Variants in ITGB4 observed in about 807,000 individuals in gnomAD.
The protein encoded by ITGB4 is integrin subunit beta 4.
In ITGB4, 159 loss-of-function variants were observed where a neutral mutation model predicts 207.6. The observed-to-expected ratio is 0.77, with a 90% CI of 0.67 to 0.87. The LOEUF is 0.87. Ranked by LOEUF, ITGB4 falls within the 40% of genes least tolerant of loss-of-function variation. ITGB4 has a pLI of 0.00. For synonymous variants in ITGB4, 1,020 were observed against 1,062.7 expected (o/e 0.96, Z 0.78); for missense variants, 2,278 against 2,546.8 (o/e 0.89, Z 2.27).
rs763724502 is a variant in ITGB4, at chr17:75,729,471, A to G, written c.738+35A>G. 6.2e-7 allele frequency: 1 copy of G among 1,606,848 alleles called. No homozygotes were observed. The highest frequency in any genetic ancestry group is 1.1e-5 in the South Asian group (1 of 90,490). On this transcript the variant is annotated intron_variant, in intron 7 of 39. Coordinates refer to ENST00000200181, the MANE Select transcript of ITGB4 (RefSeq NM_000213.5). The surrounding 1 kb of genome is among the most constrained non-coding windows in gnomAD (Gnocchi z 4.4). ...GGGAAGGGTGCTGCCAGCCTAGGCC[A>G]GGGGTGAGCACTTCTGGGCAAGGGC...
In ITGB4 at chr17:75,740,196, G is replaced by A. The variant is rs1032257957; in HGVS notation, c.2446+125G>A. ...CAGGCACAGGGCTCAGCCACCTTTTGCCCTGTGCTGATGGTGCTATGAACC... is the reference window on the plus strand; with the variant it reads ...CAGGCACAGGGCTCAGCCACCTTTTACCCTGTGCTGATGGTGCTATGAACC... On this transcript the variant is annotated intron_variant, in intron 20 of 39. Coordinates refer to ENST00000200181, the MANE Select transcript of ITGB4 (RefSeq NM_000213.5). This position sits in a 1 kb window ranked among gnomAD's most constrained non-coding sequence, Gnocchi z 5.9. The A allele has an allele frequency of 5.9e-5, 73 of 1,246,184 alleles. No homozygotes were observed. Among genetic ancestry groups the A allele is most frequent in the South Asian group, 2.4e-4 (18 of 74,530 alleles). 77.2% of individuals were successfully genotyped at this position (1,246,184 alleles called of 1,614,324 possible). A position where few individuals can be genotyped will look rare whatever the true frequency, so the allele number is the denominator to read the frequency against.
In ITGB4 at chr17:75,723,578, T is replaced by C. The variant is rs73995990; in HGVS notation, c.-10-1116T>C. On this transcript the variant is annotated intron_variant, in intron 1 of 39. Transcript: ENST00000200181. Reference sequence around the variant, plus strand: ...TGTGCCACAACAGGTCTGACCTGCATGTGTTGGCGCTGCTGTGGCCTCCTC... The same window carrying C: ...TGTGCCACAACAGGTCTGACCTGCACGTGTTGGCGCTGCTGTGGCCTCCTC... Among the ~76,000 whole-genome samples, 647 of 152,310 alleles carry C rather than the reference T, an allele frequency of 4.2e-3. 3 individuals carry two copies. Among genetic ancestry groups the C allele is most frequent in the African/African-American group, 0.014 (598 of 41,574 alleles).
At position 75,755,811 on chromosome 17, in the gene ITGB4, C is replaced by T; in HGVS notation, c.4669C>T (p.Leu1557=). The T allele has an allele frequency of 5.6e-6, 9 of 1,609,188 alleles. No homozygotes were observed. The highest frequency in any genetic ancestry group is 6.8e-6 in the Non-Finnish European group (8 of 1,179,832). ...SWQEPRCERP[L]QGYSVEYQLL... Reference sequence around the variant, plus strand: ...GCAGGAGCCGCGGTGCGAGCGGCCGCTGCAGGGCTACAGTGTGGAGTACCA... The same window carrying T: ...GCAGGAGCCGCGGTGCGAGCGGCCGTTGCAGGGCTACAGTGTGGAGTACCA... The change falls in exon 35 of 40, where the codon CTG becomes TTG. Residue 1557 remains leucine, a synonymous_variant. Transcript: ENST00000200181.
rs1465119767 is a variant in ITGB4, at chr17:75,756,760, C to G, written c.4954C>G (p.Leu1652Val). The G allele has an allele frequency of 6.2e-7, 1 of 1,613,070 alleles. No homozygotes were observed. The highest frequency in any genetic ancestry group is 1.3e-5 in the African/African-American group (1 of 75,056). ...CCCAGGCCCGCTGGTGTTCACTGCCCTGAGCCCAGACTCGCTGCAGCTGAG... is the reference window on the plus strand; with the variant it reads ...CCCAGGCCCGCTGGTGTTCACTGCCGTGAGCCCAGACTCGCTGCAGCTGAG... ...SAPGPLVFTALSPDSLQLSWE... is the reference protein window; with the variant it reads ...SAPGPLVFTAVSPDSLQLSWE... The change falls in exon 37 of 40, where the codon CTG becomes GTG. Residue 1652 changes from leucine to valine, a missense_variant. Transcript: ENST00000200181.
In ITGB4 at chr17:75,737,570, C is replaced by T. The variant is rs766264407; in HGVS notation, c.2146C>T (p.Pro716Ser). Reference protein sequence around the residue: ...CPPGSFWWLIPLLLLLLPLLA... With the variant: ...CPPGSFWWLISLLLLLLPLLA... ...TCCGGGCTCCTTCTGGTGGCTCATC[C>T]CCCTGCTCCTCCTCCTCCTGCCGCT... is the stretch of plus-strand genomic sequence containing the variant. The change falls in exon 18 of 40, where the codon CCC becomes TCC. Residue 716 changes from proline to serine, a missense_variant. By Grantham distance (74) the Pro-to-Ser change is moderately conservative. Transcript: ENST00000200181. 1.1e-5 allele frequency: 17 copies of T among 1,599,470 alleles called. No homozygotes were observed. In the South Asian group the frequency reaches 1.9e-4, roughly 18 times the overall value.
rs56024325 is a variant in ITGB4, at chr17:75,736,751, C to T, written c.1990+57C>T. The T allele has an allele frequency of 6.0e-5, 94 of 1,554,076 alleles. No homozygotes were observed. The East Asian group carries it at 9.0e-4, about 15-fold the overall frequency. On this transcript the variant is annotated intron_variant, in intron 16 of 39. Coordinates refer to ENST00000200181, the MANE Select transcript of ITGB4 (RefSeq NM_000213.5). ...GAGAGCCTAGGCAGCGGGCATCCAA[C>T]GGGGCAAGGGTGTCATCACCTGGAC...
rs764654608 is a variant in ITGB4, at chr17:75,736,546, C to A, written c.1861-19C>A. 3.1e-6 allele frequency: 5 copies of A among 1,587,868 alleles called. 1 individual carries two copies. The Middle Eastern group carries it at 5.1e-4, about 162-fold the overall frequency. Reference sequence around the variant, plus strand: ...CCCACCCAACACAGTGCCTGTCTGCCCCGCCTTTCCCCGCCAAGATCCACC... The same window carrying A: ...CCCACCCAACACAGTGCCTGTCTGCACCGCCTTTCCCCGCCAAGATCCACC... On this transcript the variant is annotated intron_variant, in intron 15 of 39. Transcript: ENST00000200181.
Position 75,732,839 on chromosome 17 carries a change from C to A in ITGB4, c.1454+600C>A, listed in dbSNP as rs181551920. 7.0e-3 allele frequency among the ~76,000 whole-genome samples: 1,065 copies of A among 152,264 alleles called. 8 individuals carry two copies. Among genetic ancestry groups the A allele is most frequent in the Non-Finnish European group, 0.011 (764 of 68,006 alleles). ...AGGTGGCTCACACCTGTAATCCCAGCACTTTGGGAGGCCGAGGTGGGTGGA... is the reference window on the plus strand; with the variant it reads ...AGGTGGCTCACACCTGTAATCCCAGAACTTTGGGAGGCCGAGGTGGGTGGA... On this transcript the variant is annotated intron_variant, in intron 12 of 39. Transcript: ENST00000200181. The surrounding 1 kb of genome is among the most constrained non-coding windows in gnomAD (Gnocchi z 5.3).
At chr17:75,724,596 C>A in intron 1 of ITGB4, 98 bp from the exon 2 acceptor site, 1 of 966,174 alleles carries the variant, frequency 1.0e-6, no homozygotes, top group Non-Finnish European at 1.7e-6. Context: ...ATTGTTGGTG[C>A]TCAGAGCCTC....
Position 75,729,335 on chromosome 17 carries a change from G to A in ITGB4, c.637G>A (p.Val213Met), listed in dbSNP as rs763275019. ...GAACGTCATCAGCCTGACAGAAGAT[G>A]TGGATGAGTTCCGGAATAAACTGCA... Reference protein sequence around the residue: ...FKNVISLTEDVDEFRNKLQGE... With the variant: ...FKNVISLTEDMDEFRNKLQGE... The change falls in exon 7 of 40, where the codon GTG (valine) becomes ATG (methionine). Residue 213 changes from valine (V) to methionine (M), a missense_variant. Transcript: ENST00000200181. This position sits in a 1 kb window ranked among gnomAD's most constrained non-coding sequence, Gnocchi z 4.4. 3.1e-6 allele frequency: 5 copies of A among 1,614,196 alleles called. No individual in the cohort carries two copies. Among genetic ancestry groups the A allele is most frequent in the Middle Eastern group, 1.6e-4 (1 of 6,062 alleles).
At position 75,729,167 on chromosome 17, in the gene ITGB4, A is replaced by C; in HGVS notation, c.567-98A>C. ...AAGCGAGACTTGGTCTCAAAAAAAA[A>C]AAAAAAAATTCTCCTTCTAGTTGAA... On this transcript the variant is annotated intron_variant, in intron 6 of 39. Transcript: ENST00000200181. This position sits in a 1 kb window ranked among gnomAD's most constrained non-coding sequence, Gnocchi z 4.4. The C allele has an allele frequency of 8.2e-7, 1 of 1,224,970 alleles. No individual in the cohort carries two copies. Among genetic ancestry groups the C allele is most frequent in the Non-Finnish European group, 1.1e-6 (1 of 881,970 alleles). The allele number at this position is 1,224,970 out of a possible 1,614,324, so 75.9% of individuals were successfully genotyped here.
rs377173122 is a variant in ITGB4, at chr17:75,722,111, A to T, written c.-11+499A>T. Reference sequence around the variant, plus strand: ...CAGGGCTTGCTCTATGCGGTGCCACAGTCCATCTGGGGCTGGGGAGTCCCT... The same window carrying T: ...CAGGGCTTGCTCTATGCGGTGCCACTGTCCATCTGGGGCTGGGGAGTCCCT... On this transcript the variant is annotated intron_variant, in intron 1 of 39. Transcript: ENST00000200181. This position sits in a 1 kb window ranked among gnomAD's most constrained non-coding sequence, Gnocchi z 6.2. Among the ~76,000 whole-genome samples the T allele has an allele frequency of 6.6e-6, 1 of 152,148 alleles. No homozygotes were observed. Among genetic ancestry groups the T allele is most frequent in the East Asian group, 1.9e-4 (1 of 5,202 alleles).
At position 75,736,765 on chromosome 17, in the gene ITGB4, C is replaced by G. The variant is rs548460112; in HGVS notation, c.1990+71C>G. 4.2e-4 allele frequency: 630 copies of G among 1,515,872 alleles called. 3 individuals are homozygous for G. Among genetic ancestry groups the G allele is most frequent in the Admixed American group, 1.2e-3 (60 of 51,072 alleles). 93.9% of individuals were successfully genotyped at this position (1,515,872 alleles called of 1,614,324 possible). ...CGGGCATCCAACGGGGCAAGGGTGT[C>G]ATCACCTGGACGGGGGCTTGCAGTC... On this transcript the variant is annotated intron_variant, in intron 16 of 39. Coordinates refer to ENST00000200181, the MANE Select transcript of ITGB4 (RefSeq NM_000213.5).
intron 34 of ITGB4, 171 bp downstream of exon 34, chr17:75,754,986 G>A (rs993575594): frequency 1.3e-6 from 2 of 1,549,684 alleles, no homozygotes; most frequent in Non-Finnish European, 1.8e-6. Flanking sequence ...ACACAGACAT[G>A]CATGCGCACA....
In ITGB4 at chr17:75,757,607, T is replaced by G; in HGVS notation, c.*52T>G. 6.2e-7 allele frequency: 1 copy of G among 1,609,042 alleles called. No homozygotes were observed. The highest frequency in any genetic ancestry group is 8.5e-7 in the Non-Finnish European group (1 of 1,177,238). The stretch of plus-strand genomic sequence containing the variant: ...TCCCACTAGGCGTCCTCCCGACTCC[T>G]CTCCCGGAGCCTCCTCAGCTACTCC... On this transcript the variant is annotated 3_prime_UTR_variant, in exon 40 of 40. Coordinates refer to ENST00000200181, the MANE Select transcript of ITGB4 (RefSeq NM_000213.5).
intron 2 of ITGB4, among the ~76,000 whole-genome samples, chr17:75,725,321 A>G (rs2060696603): frequency 6.6e-6 from 1 of 152,088 alleles, no homozygotes; most frequent in South Asian, 2.1e-4. Context: ...ATTTAATTCA[A>G]TGTATATGTA....
chr17:75,733,624 G>T lies in ITGB4; in HGVS notation c.1589G>T (p.Arg530Leu). 1.2e-6 allele frequency: 2 copies of T among 1,614,188 alleles called. No individual in the cohort carries two copies. The highest frequency in any genetic ancestry group is 8.5e-7 in the Non-Finnish European group (1 of 1,180,050). The change falls in exon 13 of 40, where the codon CGC becomes CTC. Residue 530 changes from arginine to leucine, a missense_variant. By Grantham distance (102) the Arg-to-Leu change is moderately radical. Coordinates refer to ENST00000200181, the MANE Select transcript of ITGB4 (RefSeq NM_000213.5). ...CGHCVCYGEG[R>L]YEGQFCEYDN... ...CACTGTGTGTGCTACGGCGAAGGCC[G>T]CTACGAGGGTCAGTTCTGCGAGTAT... is the stretch of plus-strand genomic sequence containing the variant.
Position 75,740,759 on chromosome 17 carries a change from A to G in ITGB4, c.2551-34A>G. The G allele has an allele frequency of 6.2e-7, 1 of 1,610,576 alleles. No individual in the cohort carries two copies. The highest frequency in any genetic ancestry group is 2.2e-5 in the East Asian group (1 of 44,870). ...CTGAGGGCTTGCCACGGGGTGGCCTAGGCCCAGCCTCACGCCCCTCCCTTG... is the reference window on the plus strand; with the variant it reads ...CTGAGGGCTTGCCACGGGGTGGCCTGGGCCCAGCCTCACGCCCCTCCCTTG... On this transcript the variant is annotated intron_variant, in intron 21 of 39. Coordinates refer to ENST00000200181, the MANE Select transcript of ITGB4 (RefSeq NM_000213.5). This position sits in a 1 kb window ranked among gnomAD's most constrained non-coding sequence, Gnocchi z 5.9.
Position 75,739,839 on chromosome 17 carries a change from G to A in ITGB4, c.2255-41G>A, listed in dbSNP as rs2290459. ...CCACCTGAAGAGGTTGGGCTGTGCG[G>A]GTCTAGGGAGGGGTGCCGTGCTGAG... is the stretch of plus-strand genomic sequence containing the variant. On this transcript the variant is annotated intron_variant, in intron 19 of 39. Coordinates refer to ENST00000200181, the MANE Select transcript of ITGB4 (RefSeq NM_000213.5). The surrounding 1 kb of genome is among the most constrained non-coding windows in gnomAD (Gnocchi z 5.4). The A allele has an allele frequency of 0.049, 79,665 of 1,611,876 alleles. 7,567 individuals carry two copies. Among genetic ancestry groups the A allele is most frequent in the East Asian group, 0.37 (16,781 of 44,858 alleles).
Sources: gnomAD v4.1 joint callset for allele counts (sites outside exome capture counted in the v4.1 genomes callset) on GRCh38, gnomAD v4.1.1 for gene constraint, Gnocchi (gnomAD v3.1) non-coding constraint, MANE v1.5 for transcripts, NCBI Gene and HGNC (gene_info 2026-07-23, HGNC 2026-07-21) for gene names.